THADA: variants seen among roughly 807,000 people sequenced by gnomAD.
The protein encoded by THADA is tRNA (32-2'-O)-methyltransferase regulator THADA.
A neutral mutation model predicts 219.8 loss-of-function variants in THADA; 213 were observed. The observed-to-expected ratio is 0.97, with a 90% CI of 0.87 to 1.09. The LOEUF is 1.09. Ranked by LOEUF, THADA falls within the 50% of genes least tolerant of loss-of-function variation. The probability of loss-of-function intolerance (pLI) is 0.00; values close to 1 mark genes in which losing one functional copy is unlikely to be tolerated. For synonymous variants in THADA, 1,018 were observed against 828.9 expected (o/e 1.23, Z -3.92); for missense variants, 2,956 against 2,311.3 (o/e 1.28, Z -5.72).
At chr2:43,477,519 AT>A (rs1380109643) in intron 26 of THADA, among the ~76,000 whole-genome samples, 1 of 152,240 alleles carries the variant, frequency 6.6e-6, no homozygotes, top group Non-Finnish European at 1.5e-5. Flanking sequence ...CTGCTACTCA[AT>A]TTAGAAGTGG....
intron 15 of THADA, chr2:43,565,552 T>C (rs111742269): frequency 6.6e-6 from 1 of 152,180 alleles, no homozygotes; most frequent in African/African-American, 2.4e-5. Context: ...AAACTGATTT[T>C]CCCCAAATGA....
chr2:43,590,444 G>A (rs1412578105), intron 4 of THADA, among the ~76,000 whole-genome samples: 3 of 151,988 alleles, frequency 2.0e-5, no homozygotes, highest in African/African-American at 7.3e-5. Context: ...TTGGGAGGCT[G>A]AGAAGGCGGA....
At chr2:43,238,584 T>C (rs1250480314) in intron 36 of THADA, among the ~76,000 whole-genome samples, 1 of 152,144 alleles carries the variant, frequency 6.6e-6, no homozygotes, top group Non-Finnish European at 1.5e-5. Context: ...ATTAAACCTA[T>C]GACCCAAAAA....
chr2:43,311,309 C>G (rs1432109553), intron 31 of THADA, among the ~76,000 whole-genome samples: 1 of 152,090 alleles, frequency 6.6e-6, no homozygotes, highest in Non-Finnish European at 1.5e-5. Context: ...AAATGCAAAT[C>G]AAAAGCACAA....
intron 26 of THADA, 93 bp downstream of exon 26, chr2:43,485,140 TC>T: frequency 1.1e-6 from 1 of 891,578 alleles, no homozygotes; most frequent in African/African-American, 1.7e-5. Flanking sequence ...TCTAGATGAA[TC>T]TATAACAGTA....
intron 36 of THADA, among the ~76,000 whole-genome samples, chr2:43,262,019 G>A (rs967606367): frequency 2.0e-5 from 3 of 152,164 alleles, no homozygotes; most frequent in South Asian, 2.1e-4. Flanking sequence ...TGATCCACCC[G>A]CCTCGGCCTC....
chr2:43,377,076 C>A (rs1441001220), intron 29 of THADA, among the ~76,000 whole-genome samples: 1 of 152,144 alleles, frequency 6.6e-6, no homozygotes, highest in East Asian at 1.9e-4. Flanking sequence ...AACATAGCCC[C>A]GGGAGTGGCA....
At chr2:43,578,635 G>T in intron 8 of THADA, 28 bp from the exon 9 acceptor site, 1 of 1,501,864 alleles carries the variant, frequency 6.7e-7, no homozygotes, top group Non-Finnish European at 9.1e-7. Flanking sequence ...AGAGAAGCTT[G>T]TGTTAAATAA....
chr2:43,567,256 G>A (rs1335930535), intron 14 of THADA, among the ~76,000 whole-genome samples: 1 of 152,008 alleles, frequency 6.6e-6, no homozygotes, highest in East Asian at 1.9e-4. Flanking sequence ...ATTCTATTCG[G>A]TTTCAAAGAA....
At chr2:43,251,919 G>C (rs931473235) in intron 36 of THADA, among the ~76,000 whole-genome samples, 1 of 151,900 alleles carries the variant, frequency 6.6e-6, no homozygotes, top group African/African-American at 2.4e-5. Context: ...CATCTTTTCC[G>C]TGTTTCTTCC....
chr2:43,432,783 T>C (rs1026219678), intron 26 of THADA, among the ~76,000 whole-genome samples: 9 of 152,212 alleles, frequency 5.9e-5, no homozygotes, highest in African/African-American at 1.9e-4. Flanking sequence ...ACTAATGACG[T>C]TGAGCACTTT....
chr2:43,277,342 CA>C (rs1672833842), intron 36 of THADA: 1 of 153,034 alleles, frequency 6.5e-6, no homozygotes, highest in African/African-American at 2.4e-5. Flanking sequence ...GTTCTGACCA[CA>C]AAAGTCCACT....
chr2:43,389,639 C>T (rs1673109198), intron 29 of THADA, among the ~76,000 whole-genome samples: 1 of 152,198 alleles, frequency 6.6e-6, no homozygotes, highest in Non-Finnish European at 1.5e-5. Flanking sequence ...CTGCCATTCA[C>T]ACATCCTCTC....
chr2:43,494,908 A>G (rs527318645), intron 25 of THADA, among the ~76,000 whole-genome samples: 15 of 152,324 alleles, frequency 9.8e-5, no homozygotes, highest in Non-Finnish European at 8.8e-5. Flanking sequence ...ATATACATGA[A>G]TGCTTTCTGA....
chr2:43,538,458 A>C (rs774723626), intron 21 of THADA: 1 of 152,184 alleles, frequency 6.6e-6, no homozygotes, highest in Non-Finnish European at 1.5e-5. Flanking sequence ...CCTCCTGGAG[A>C]AACTGGTGAC....
chr2:43,231,452 C>G lies in THADA; in HGVS notation c.5467-109G>C, dbSNP rs1029611206. 2.5e-6 allele frequency: 3 copies of G among 1,178,238 alleles called. No individual in the cohort carries two copies. In the African/African-American group the frequency reaches 4.6e-5, roughly 18 times the overall value. 73.0% of individuals were successfully genotyped at this position (1,178,238 alleles called of 1,614,324 possible). Reference sequence around the variant, plus strand: ...TGCAAGAGGGGTTTCCCTTCCCCCACCTGACAGAGGGTGCACTCTTGCCTG... The same window carrying G: ...TGCAAGAGGGGTTTCCCTTCCCCCAGCTGACAGAGGGTGCACTCTTGCCTG... On this transcript the variant is annotated intron_variant, in intron 37 of 37. Coordinates refer to ENST00000405975, the MANE Select transcript of THADA (RefSeq NM_022065.5).
At chr2:43,594,308 G>T (rs1000267404) in intron 1 of THADA, among the ~76,000 whole-genome samples, 1 of 152,162 alleles carries the variant, frequency 6.6e-6, no homozygotes, top group Non-Finnish European at 1.5e-5. Context: ...GGCCAGGAGT[G>T]GGGGCTCGTG....
At chr2:43,369,825 T>C (rs551564588) in intron 29 of THADA, among the ~76,000 whole-genome samples, 1 of 152,356 alleles carries the variant, frequency 6.6e-6, no homozygotes, top group East Asian at 1.9e-4. Context: ...CTTTAGAATT[T>C]AGTCATGAAA....
At chr2:43,231,377 A>G in intron 37 of THADA, 34 bp from the exon 38 acceptor site, 1 of 1,481,954 alleles carries the variant, frequency 6.7e-7, no homozygotes, top group South Asian at 1.4e-5. Flanking sequence ...AGTCAGTCTT[A>G]CAGGGAATGG....
Sources: gnomAD v4.1 joint callset for allele counts (sites outside exome capture counted in the v4.1 genomes callset) on GRCh38, gnomAD v4.1.1 for gene constraint, MANE v1.5 for transcripts, NCBI Gene and HGNC (gene_info 2026-07-23, HGNC 2026-07-21) for gene names.